Variants in NCOR2 observed in about 807,000 individuals in gnomAD.
The protein encoded by NCOR2 is nuclear receptor corepressor 2.
In NCOR2, 81 loss-of-function variants were observed where a neutral mutation model predicts 262.9. That is an observed-to-expected ratio of 0.31 (90% CI 0.26 to 0.37). The LOEUF (loss-of-function observed/expected upper bound fraction) is 0.37. Ranked by LOEUF, NCOR2 falls within the 10% of genes least tolerant of loss-of-function variation. The probability of loss-of-function intolerance (pLI) is 1.00; values close to 1 mark genes in which losing one functional copy is unlikely to be tolerated. For synonymous variants in NCOR2, 1,659 were observed against 1,559.3 expected, an observed-to-expected ratio of 1.06 and a Z score of -1.51; for missense variants, 3,385 against 3,621.4, an observed-to-expected ratio of 0.93 and a Z score of 1.68.
chr12:124,424,230 A>T (rs764138949), intron 11 of NCOR2, among the ~76,000 whole-genome samples: 3 of 152,206 alleles, frequency 2.0e-5, no homozygotes, highest in Non-Finnish European at 2.9e-5. Flanking sequence ...GAAAAAATAC[A>T]TACACTAAAA....
At chr12:124,339,372 C>CTACT (rs2036210078) in intron 37 of NCOR2, among the ~76,000 whole-genome samples, 1 of 136,172 alleles carries the variant, frequency 7.3e-6, no homozygotes, top group Admixed American at 7.1e-5. Flanking sequence ...AGCCACCTAC[C>CTACT]TACCTACCTA....
intron 1 of NCOR2, among the ~76,000 whole-genome samples, chr12:124,508,435 G>A (rs1264522226): frequency 6.6e-6 from 1 of 152,190 alleles, no homozygotes; most frequent in Non-Finnish European, 1.5e-5. Context: ...ACCTGGGATC[G>A]GATGATCCAC....
chr12:124,350,571 T>C lies in NCOR2; in HGVS notation c.3844+16A>G, dbSNP rs902935529. 3.7e-6 allele frequency: 6 copies of C among 1,608,436 alleles called. No individual in the cohort carries two copies. The highest frequency in any genetic ancestry group is 3.3e-5 in the Admixed American group (2 of 59,704). ...TCCTCCCCTGGTCCTGGGCCTCCTC[T>C]CCTCCTGCGACTCACCCTCATAGGA... is the stretch of plus-strand genomic sequence containing the variant. On this transcript the variant is annotated intron_variant, in intron 28 of 46. Transcript: ENST00000405201.
intron 9 of NCOR2, among the ~76,000 whole-genome samples, 200 bp downstream of exon 11, chr12:124,430,415 A>C (rs2043847348): frequency 6.6e-6 from 1 of 152,216 alleles, no homozygotes; most frequent in South Asian, 2.1e-4. Flanking sequence ...GCTTGTCCCC[A>C]AAATGTATTT....
chr12:124,495,533 G>C (rs1593822322), upstream of NCOR2, among the ~76,000 whole-genome samples: 1 of 152,248 alleles, frequency 6.6e-6, no homozygotes, highest in Middle Eastern at 3.4e-3. This position sits in a 1 kb window ranked among gnomAD's most constrained non-coding sequence, Gnocchi z 4.4. Context: ...TTCTCCGGGA[G>C]CACAAGGAGA....
intron 14 of NCOR2, among the ~76,000 whole-genome samples, chr12:124,401,712 G>A (rs1004467217): frequency 6.6e-6 from 1 of 152,224 alleles, no homozygotes; most frequent in Non-Finnish European, 1.5e-5. Flanking sequence ...TACTGCGGGA[G>A]GCTCAGATTG....
At chr12:124,347,656 G>C in intron 30 of NCOR2, 169 bp downstream of exon 32, 1 of 648,084 alleles carries the variant, frequency 1.5e-6, no homozygotes, top group Non-Finnish European at 2.7e-6. Flanking sequence ...ATAAGTAAGA[G>C]ACACCCTTGC....
In NCOR2 at chr12:124,400,716, G is replaced by A. The variant is rs766291661; in HGVS notation, c.1641-43C>T. 81 of 1,600,892 alleles carry A rather than the reference G, an allele frequency of 5.1e-5. 1 individual carries two copies. Among genetic ancestry groups the A allele is most frequent in the Middle Eastern group, 1.7e-4 (1 of 6,040 alleles). On this transcript the variant is annotated intron_variant, in intron 14 of 46. Transcript: ENST00000405201. ...GAGATAGGATGGCTTCACCCGAGCC[G>A]GGAAATCAAACAGCCACTGGAGGAG...
rs2037063112 is a variant in NCOR2 at position 124,347,760 on chromosome 12, C to G, written c.4072+65G>C. ...CACCACACTCTGGCTGTGTCTCTCC[C>G]TCCCGCGCCCTGCGTGACTGTACAC... On this transcript the variant is annotated intron_variant, in intron 30 of 46. Transcript: ENST00000405201. 6 of 1,503,996 alleles carry G rather than the reference C, an allele frequency of 4.0e-6. No individual in the cohort carries two copies. In the East Asian group the frequency reaches 1.5e-4, roughly 37 times the overall value. The allele number at this position is 1,503,996 out of a possible 1,614,324, so 93.2% of individuals were successfully genotyped here. A position where few individuals can be genotyped will look rare whatever the true frequency, so the allele number is the denominator to read the frequency against.
At position 124,517,560 on chromosome 12, in the gene NCOR2, G is replaced by T. The variant is rs1016948018; in HGVS notation, c.-118+18005C>A. Among the ~76,000 whole-genome samples the T allele has an allele frequency of 6.6e-5, 10 of 152,288 alleles. 1 individual carries two copies. The highest frequency in any genetic ancestry group is 5.8e-4 in the East Asian group (3 of 5,164). On this transcript the variant is annotated intron_variant, in intron 1 of 46. Coordinates refer to the NCOR2 transcript ENST00000404621. This position sits in a 1 kb window ranked among gnomAD's most constrained non-coding sequence, Gnocchi z 7.6. ...CGGGCTGCAGCGCTGCCTGCACCTG[G>T]CTCTCCCCTGCCTGAGCCCACCGCG...
chr12:124,351,429 T>C, intron 27 of NCOR2, among the ~76,000 whole-genome samples: 1 of 152,172 alleles, frequency 6.6e-6, no homozygotes, highest in East Asian at 1.9e-4. Context: ...ATCCCTGGCT[T>C]CAAAGCACTA....
At chr12:124,353,531 C>T (rs114360026) in intron 27 of NCOR2, among the ~76,000 whole-genome samples, 176 of 152,356 alleles carry the variant, frequency 1.2e-3, no homozygotes, top group African/African-American at 3.8e-3. Context: ...AGTGTGTGGA[C>T]CCACGCTCTG....
At chr12:124,414,106 T>A (rs1334004536) in intron 13 of NCOR2, among the ~76,000 whole-genome samples, 1 of 152,196 alleles carries the variant, frequency 6.6e-6, no homozygotes, top group Non-Finnish European at 1.5e-5. Flanking sequence ...GAGAGGCCTG[T>A]CCTACCTGGC....
chr12:124,333,360 C>T, intron 41 of NCOR2, 81 bp from the exon 44 acceptor site: 2 of 1,295,108 alleles, frequency 1.5e-6, no homozygotes, highest in Non-Finnish European at 9.9e-7. Context: ...TAAACCAGGG[C>T]CCCACACGCT....
chr12:124,473,845 G>A (rs190588077), intron 3 of NCOR2, among the ~76,000 whole-genome samples: 10 of 152,114 alleles, frequency 6.6e-5, no homozygotes, highest in South Asian at 4.2e-4. Flanking sequence ...AATACACCCC[G>A]GGTTTCCATC....
Position 124,566,652 on chromosome 12 carries a change from G to A in NCOR2, c.-165+656C>T, listed in dbSNP as rs1334310733. Reference sequence around the variant, plus strand: ...AAGTATCCGCACAGCCCGGGGGAGGGACTAGGAGGCGGCCCAATGAGGCGT... The same window carrying A: ...AAGTATCCGCACAGCCCGGGGGAGGAACTAGGAGGCGGCCCAATGAGGCGT... On this transcript the variant is annotated intron_variant, in intron 1 of 32. Coordinates refer to the NCOR2 transcript ENST00000458234. The surrounding 1 kb of genome is among the most constrained non-coding windows in gnomAD (Gnocchi z 4.3). Among the ~76,000 whole-genome samples, 1 of 152,228 alleles carries A rather than the reference G, an allele frequency of 6.6e-6. No individual in the cohort carries two copies. The highest frequency in any genetic ancestry group is 1.5e-5 in the Non-Finnish European group (1 of 68,034).
At position 124,325,378 on chromosome 12, in the gene NCOR2, C is replaced by CCCCG. The variant is rs1555297223; in HGVS notation, c.*23_*24insCGGG. The stretch of plus-strand genomic sequence containing the variant: ...TGTGGCTCGCTGGGACCTGACACCG[C>CCCCG]CCCCCCCCCCGCCCTGTTCTGAGTC... On this transcript the variant is annotated 3_prime_UTR_variant, in exon 47 of 47. Coordinates refer to ENST00000405201, the Ensembl canonical transcript of NCOR2. 3.1e-4 allele frequency: 72 copies of CCCCG among 232,284 alleles called. 8 individuals are homozygous for CCCCG. The highest frequency in any genetic ancestry group is 2.9e-3 in the East Asian group (48 of 16,418). The allele number at this position is 232,284 out of a possible 1,614,324, so 14.4% of individuals were successfully genotyped here.
At chr12:124,379,572 G>A (rs1359541441) in intron 17 of NCOR2, among the ~76,000 whole-genome samples, 2 of 152,196 alleles carry the variant, frequency 1.3e-5, no homozygotes, top group Non-Finnish European at 1.5e-5. Context: ...AGCCTGGTGT[G>A]ACGGGGGGGC....
chr12:124,509,546 T>C (rs1014498400), intron 1 of NCOR2, among the ~76,000 whole-genome samples: 1 of 152,176 alleles, frequency 6.6e-6, no homozygotes, highest in African/African-American at 2.4e-5. Context: ...AGATAGGATC[T>C]CCCTGGAATC....
Sources: gnomAD v4.1 joint callset for allele counts (sites outside exome capture counted in the v4.1 genomes callset) on GRCh38, gnomAD v4.1.1 for gene constraint, Gnocchi (gnomAD v3.1) non-coding constraint, MANE v1.5 for transcripts, NCBI Gene and HGNC (gene_info 2026-07-23, HGNC 2026-07-21) for gene names.